MAP3K9: variants seen among roughly 807,000 people sequenced by gnomAD.
MAP3K9 encodes mixed lineage kinase 1 (tyr and ser/thr specificity).
MAP3K9 carries 46 observed loss-of-function variants against 95.8 expected under a neutral mutation model. The ratio of observed to expected loss-of-function variants is 0.48; its 90% CI spans 0.38 to 0.61. The LOEUF is 0.61. MAP3K9 is among the 20% of genes least tolerant of loss of function. The probability of loss-of-function intolerance (pLI) is 0.00; values close to 1 mark genes in which losing one functional copy is unlikely to be tolerated. For missense variants in MAP3K9, 1,296 were observed against 1,474.3 expected (o/e 0.88, Z 1.98); for synonymous variants, 533 against 593.8 (o/e 0.90, Z 1.49).
At position 70,797,270 on chromosome 14, in the gene MAP3K9, A is replaced by C. The variant is rs533764818; in HGVS notation, c.820+3397T>G. On this transcript the variant is annotated intron_variant, in intron 2 of 11. Transcript: ENST00000554752. ...TCCAATTCTCTGGAACCCTTAACAA[A>C]GCAAGGAAAACAAACCAGTGTTCCC... is the stretch of plus-strand genomic sequence containing the variant. Among the ~76,000 whole-genome samples the C allele has an allele frequency of 3.3e-5, 5 of 152,274 alleles. No individual in the cohort carries two copies. The South Asian group carries it at 1.0e-3, about 32-fold the overall frequency.
At chr14:70,806,147 G>A (rs556365102) in intron 1 of MAP3K9, among the ~76,000 whole-genome samples, 7 of 152,226 alleles carry the variant, frequency 4.6e-5, no homozygotes, top group Admixed American at 1.3e-4. Context: ...CCAAGTCTTC[G>A]GAGACAAGGT....
chr14:70,804,632 T>C (rs731571), intron 1 of MAP3K9, among the ~76,000 whole-genome samples: 36,626 of 152,086 alleles, frequency 0.24, 4,603 homozygotes, highest in East Asian at 0.33. Context: ...GTCTTAAGCA[T>C]AGTTGTAAAC....
chr14:70,742,277 G>A lies in MAP3K9; in HGVS notation c.1567+74C>T, dbSNP rs188913551. The A allele has an allele frequency of 2.0e-3, 3,092 of 1,556,038 alleles. 4 individuals are homozygous for A. Among genetic ancestry groups the A allele is most frequent in the Non-Finnish European group, 2.5e-3 (2,848 of 1,150,362 alleles). ...GTGTCATGTTTCCAAGCTCAGTCCC[G>A]GACTCCCTCAAACCCTCTGCCACAC... On this transcript the variant is annotated intron_variant, in intron 6 of 11. Coordinates refer to ENST00000554752, the MANE Select transcript of MAP3K9 (RefSeq NM_001284230.2).
intron 2 of MAP3K9, among the ~76,000 whole-genome samples, chr14:70,798,633 T>C (rs1340368863): frequency 3.3e-5 from 5 of 150,864 alleles, no homozygotes; most frequent in Admixed American, 2.0e-4. Flanking sequence ...CACCCGCCAC[T>C]ACGCCCGGCT....
chr14:70,777,512 T>C (rs920155115), intron 2 of MAP3K9, among the ~76,000 whole-genome samples: 38 of 152,166 alleles, frequency 2.5e-4, no homozygotes, highest in African/African-American at 8.4e-4. Flanking sequence ...GCAGAGGGAA[T>C]GGTTATTTTA....
At chr14:70,778,146 A>T (rs112283475) in intron 2 of MAP3K9, among the ~76,000 whole-genome samples, 10 of 151,970 alleles carry the variant, frequency 6.6e-5, no homozygotes, top group Non-Finnish European at 1.5e-4. Context: ...TCTGTCACCC[A>T]GGCTGGAGTG....
rs2053829493 is a variant in MAP3K9 at position 70,727,111 on chromosome 14, CA to C, written c.*3268del. On this transcript the variant is annotated 3_prime_UTR_variant, in exon 12 of 12. Coordinates refer to ENST00000554752, the MANE Select transcript of MAP3K9 (RefSeq NM_001284230.2). The stretch of plus-strand genomic sequence containing the variant: ...TCTACTAGCAAGGGTATCAAATGTA[CA>C]AGGAAAATGATGTCATTTTGCAAAG... The C allele has an allele frequency of 6.6e-6, 1 of 152,138 alleles. No homozygotes were observed. Among genetic ancestry groups the C allele is most frequent in the South Asian group, 2.1e-4 (1 of 4,818 alleles). The allele number at this position is 152,138 out of a possible 1,614,324, so 9.4% of individuals were successfully genotyped here. A position where few individuals can be genotyped will look rare whatever the true frequency, so the allele number is the denominator to read the frequency against.
chr14:70,754,152 A>C (rs2054267150), intron 3 of MAP3K9, among the ~76,000 whole-genome samples: 1 of 152,220 alleles, frequency 6.6e-6, no homozygotes, highest in African/African-American at 2.4e-5. Flanking sequence ...AGTAGCATAT[A>C]ATTCTTCTTC....
chr14:70,742,989 T>G (rs1256609494), intron 5 of MAP3K9, among the ~76,000 whole-genome samples: 1 of 151,048 alleles, frequency 6.6e-6, no homozygotes, highest in Non-Finnish European at 1.5e-5. Flanking sequence ...TGGTTGTACT[T>G]TACTTTCTAT....
intron 2 of MAP3K9, among the ~76,000 whole-genome samples, chr14:70,776,097 G>A (rs1434092081): frequency 1.3e-5 from 2 of 152,216 alleles, no homozygotes; most frequent in Admixed American, 6.5e-5. Context: ...GCTGAGGCAG[G>A]AGAATCGCTT....
chr14:70,723,816 T>C lies in MAP3K9; in HGVS notation c.*6564A>G, dbSNP rs1353013870. The C allele has an allele frequency of 6.6e-6, 1 of 152,250 alleles. No homozygotes were observed. The highest frequency in any genetic ancestry group is 1.9e-4 in the East Asian group (1 of 5,206). The allele number at this position is 152,250 out of a possible 1,614,324, so 9.4% of individuals were successfully genotyped here. On this transcript the variant is annotated 3_prime_UTR_variant, in exon 12 of 12. Transcript: ENST00000554752. ...AAAATTAATGATTTCTTATCATGTA[T>C]TATTCGTCTTTATAACTAGGCCAGG...
At chr14:70,772,226 C>G (rs1169679788) in intron 2 of MAP3K9, among the ~76,000 whole-genome samples, 1 of 152,246 alleles carries the variant, frequency 6.6e-6, no homozygotes, top group Non-Finnish European at 1.5e-5. Flanking sequence ...CAAAGCTATG[C>G]TTCCCAACAA....
In MAP3K9 at chr14:70,725,089, A is replaced by T. The variant is rs1384378523; in HGVS notation, c.*5291T>A. ...GGGTTAACAAAGAGAGGTGTGGAAAAGCTCAGCTCCTATAACCAGCTGGGC... is the reference window on the plus strand; with the variant it reads ...GGGTTAACAAAGAGAGGTGTGGAAATGCTCAGCTCCTATAACCAGCTGGGC... On this transcript the variant is annotated 3_prime_UTR_variant, in exon 12 of 12. Transcript: ENST00000554752. The T allele has an allele frequency of 6.6e-6, 1 of 152,322 alleles. No homozygotes were observed. Among genetic ancestry groups the T allele is most frequent in the Non-Finnish European group, 1.5e-5 (1 of 68,166 alleles). 9.4% of individuals were successfully genotyped at this position (152,322 alleles called of 1,614,324 possible).
chr14:70,734,204 C>T (rs1368950559), intron 10 of MAP3K9, among the ~76,000 whole-genome samples, 182 bp downstream of exon 10: 3 of 152,202 alleles, frequency 2.0e-5, no homozygotes, highest in Non-Finnish European at 2.9e-5. Flanking sequence ...TGACTAATAC[C>T]GGCCCCTTAA....
chr14:70,755,814 A>G (rs1014472964), intron 3 of MAP3K9, among the ~76,000 whole-genome samples: 13 of 152,240 alleles, frequency 8.5e-5, no homozygotes, highest in Non-Finnish European at 1.8e-4. Context: ...TTTTCAAACC[A>G]CAATCATCAA....
At position 70,776,833 on chromosome 14, in the gene MAP3K9, CTT is replaced by C. The variant is rs11361103; in HGVS notation, c.821-15653_821-15652del. On this transcript the variant is annotated intron_variant, in intron 2 of 11. Coordinates refer to ENST00000554752, the MANE Select transcript of MAP3K9 (RefSeq NM_001284230.2). Reference sequence around the variant, plus strand: ...ACACCCTGAACTAAAAGATCTCTCACTTTTTTTTTTTTTTTTGAGAGAAGTCT... The same window carrying C: ...ACACCCTGAACTAAAAGATCTCTCACTTTTTTTTTTTTTTGAGAGAAGTCT... Among the ~76,000 whole-genome samples, 547 of 138,422 alleles carry C rather than the reference CTT, an allele frequency of 4.0e-3. 1 individual carries two copies. Among genetic ancestry groups the C allele is most frequent in the Middle Eastern group, 7.2e-3 (2 of 276 alleles). The allele number at this position is 138,422 out of a possible 152,430, so 90.8% of individuals were successfully genotyped here.
At chr14:70,765,187 G>T (rs2054433025) in intron 2 of MAP3K9, among the ~76,000 whole-genome samples, 1 of 151,530 alleles carries the variant, frequency 6.6e-6, no homozygotes, top group African/African-American at 2.4e-5. Context: ...AAAATTAGCT[G>T]GGTGTGGTGG....
chr14:70,759,020 T>C (rs920571180), intron 3 of MAP3K9, among the ~76,000 whole-genome samples: 2 of 152,248 alleles, frequency 1.3e-5, no homozygotes, highest in African/African-American at 4.8e-5. Context: ...TGATTCCATT[T>C]ATGTGAAACA....
chr14:70,756,813 T>C (rs959349693), intron 3 of MAP3K9, among the ~76,000 whole-genome samples: 1 of 152,228 alleles, frequency 6.6e-6, no homozygotes, highest in Non-Finnish European at 1.5e-5. Context: ...AAAGAGAATA[T>C]GCTTCTATCC....
Sources: allele counts gnomAD v4.1 joint callset (sites outside exome capture counted in the v4.1 genomes callset), GRCh38; gene constraint gnomAD v4.1.1; transcripts MANE v1.5; gene names NCBI Gene and HGNC (gene_info 2026-07-23, HGNC 2026-07-21).